The following SCN2A variants were observed in gnomAD, a reference collection of about 807,000 sequenced individuals.
SCN2A encodes sodium channel protein type 2 subunit alpha.
SCN2A carries 20 observed loss-of-function variants against 188.7 expected under a neutral mutation model. The observed-to-expected ratio is 0.11, with a 90% confidence interval of 0.07 to 0.15. The LOEUF is 0.15. Ranked by LOEUF, SCN2A falls within the 10% of genes least tolerant of loss-of-function variation. The probability of loss-of-function intolerance (pLI) is 1.00; values close to 1 mark genes in which losing one functional copy is unlikely to be tolerated. For missense variants in SCN2A, 1,278 were observed against 2,445.0 expected (o/e 0.52, Z 10.07); for synonymous variants, 804 against 833.1 (o/e 0.97, Z 0.60).
intron 14 of SCN2A, 51 bp downstream of exon 14, chr2:165,331,619 T>C: frequency 7.3e-7 from 1 of 1,366,628 alleles, no homozygotes. Flanking sequence ...TATAATTGCC[T>C]TAGTGAATTT....
chr2:165,250,384 C>A (rs1694032356), intron 1 of SCN2A, among the ~76,000 whole-genome samples: 1 of 151,784 alleles, frequency 6.6e-6, no homozygotes, highest in Non-Finnish European at 1.5e-5. Context: ...TTTGAGTAGA[C>A]TTTATGGTGA....
intron 3 of SCN2A, among the ~76,000 whole-genome samples, chr2:165,303,657 A>G (rs1273347793): frequency 1.3e-5 from 2 of 152,182 alleles, no homozygotes; most frequent in Non-Finnish European, 2.9e-5. Flanking sequence ...GTGACTGATG[A>G]AATAAATTAA....
At chr2:165,259,931 ATTTTTT>A (rs140137535) in intron 1 of SCN2A, among the ~76,000 whole-genome samples, 10 of 89,464 alleles carry the variant, frequency 1.1e-4, no homozygotes, top group East Asian at 3.0e-4. Context: ...CTAAAAATGG[ATTTTTT>A]TTTTTTTTTT....
chr2:165,388,564 A>G, intron 26 of SCN2A, 65 bp from the exon 27 acceptor site: 2 of 1,605,448 alleles, frequency 1.2e-6, no homozygotes, highest in Non-Finnish European at 8.5e-7. Context: ...TAATGTACTT[A>G]TGTAAACTTT....
intron 16 of SCN2A, among the ~76,000 whole-genome samples, chr2:165,350,567 G>C (rs1699849772): frequency 7.0e-6 from 1 of 143,798 alleles, no homozygotes; most frequent in Non-Finnish European, 1.5e-5. Context: ...CCGCCTCCCG[G>C]GTTCACGCCA....
At chr2:165,388,281 T>A (rs1701975343) in intron 26 of SCN2A, among the ~76,000 whole-genome samples, 1 of 152,188 alleles carries the variant, frequency 6.6e-6, no homozygotes, top group South Asian at 2.1e-4. Context: ...TTAGTTCTTA[T>A]GCAAATACTA....
chr2:165,251,476 A>T (rs1425286147), intron 1 of SCN2A, among the ~76,000 whole-genome samples: 2 of 152,064 alleles, frequency 1.3e-5, no homozygotes, highest in African/African-American at 2.4e-5. Flanking sequence ...GCGTATGTTG[A>T]TATGTTAGGT....
chr2:165,286,412 G>A lies in SCN2A; in HGVS notation c.-51-9361G>A, dbSNP rs113676374. On this transcript the variant is annotated intron_variant, in intron 1 of 26. Transcript: ENST00000375437. ...AGACTGAATTGAATTTTAACCTAATGTGAAATCTTGGTAGAGAATTTTGTA... is the reference window on the plus strand; with the variant it reads ...AGACTGAATTGAATTTTAACCTAATATGAAATCTTGGTAGAGAATTTTGTA... 1.1e-4 allele frequency among the ~76,000 whole-genome samples: 16 copies of A among 152,338 alleles called. 1 individual carries two copies. Among genetic ancestry groups the A allele is most frequent in the African/African-American group, 3.4e-4 (14 of 41,578 alleles).
At chr2:165,335,082 TAAA>T (rs1433615745) in intron 14 of SCN2A, among the ~76,000 whole-genome samples, 11 of 151,684 alleles carry the variant, frequency 7.3e-5, no homozygotes, top group Admixed American at 7.2e-4. Flanking sequence ...CTCAAAGCTA[TAAA>T]ATATTGTTGA....
rs570185042 is a variant in SCN2A at position 165,356,279 on chromosome 2, TTA to T, written c.3399+1609_3399+1610del. Among the ~76,000 whole-genome samples, 126 of 152,304 alleles carry T rather than the reference TTA, an allele frequency of 8.3e-4. 1 individual carries two copies. The highest frequency in any genetic ancestry group is 8.1e-3 in the Admixed American group (124 of 15,306). ...TTCTGTCCTGGGGCAAAGAATTACT[TTA>T]ATTGGTTGAACTTAAATTTTTACTA... On this transcript the variant is annotated intron_variant, in intron 17 of 26. Transcript: ENST00000375437.
chr2:165,326,832 A>G lies in SCN2A; in HGVS notation c.2017-20A>G. 1.2e-6 allele frequency: 2 copies of G among 1,613,704 alleles called. No individual in the cohort carries two copies. Among genetic ancestry groups the G allele is most frequent in the Non-Finnish European group, 1.7e-6 (2 of 1,179,716 alleles). ...TGCTTTCAAAAATAGTGGTTATTTC[A>G]TCTGAAATTCTACTTCTAGGGCACA... On this transcript the variant is annotated intron_variant, in intron 12 of 26. Coordinates refer to ENST00000375437, the MANE Select transcript of SCN2A (RefSeq NM_001040142.2).
chr2:165,385,185 C>G (rs1029729190), intron 25 of SCN2A, among the ~76,000 whole-genome samples: 1 of 152,062 alleles, frequency 6.6e-6, no homozygotes, highest in African/African-American at 2.4e-5. Context: ...GGGCAGAACA[C>G]TAAGATGTAG....
intron 1 of SCN2A, chr2:165,290,640 A>G: frequency 4.2e-6 from 1 of 237,062 alleles, no homozygotes; most frequent in Non-Finnish European, 6.9e-6. Context: ...AATCATTTGT[A>G]TAACAAGTTG....
At chr2:165,276,451 T>C (rs1326195492) in intron 1 of SCN2A, among the ~76,000 whole-genome samples, 1 of 152,164 alleles carries the variant, frequency 6.6e-6, no homozygotes, top group Non-Finnish European at 1.5e-5. Flanking sequence ...TGAAAATATA[T>C]TTATAATATG....
intron 1 of SCN2A, among the ~76,000 whole-genome samples, chr2:165,253,558 A>G (rs1347706793): frequency 6.6e-6 from 1 of 152,134 alleles, no homozygotes; most frequent in South Asian, 2.1e-4. Context: ...TTATTTTTAT[A>G]TAAATTTTCC....
chr2:165,368,211 C>T (rs971871795), intron 19 of SCN2A, among the ~76,000 whole-genome samples: 3 of 152,054 alleles, frequency 2.0e-5, no homozygotes, highest in Non-Finnish European at 4.4e-5. Context: ...GACTCCTCTC[C>T]GAAGCTATGC....
chr2:165,387,128 A>G, intron 26 of SCN2A, 112 bp downstream of exon 26: 1 of 1,113,528 alleles, frequency 9.0e-7, no homozygotes, highest in East Asian at 2.4e-5. Flanking sequence ...ACTCCCAAAT[A>G]AAAATCTAAT....
At chr2:165,364,473 A>G (rs574913521) in intron 17 of SCN2A, among the ~76,000 whole-genome samples, 17 of 152,258 alleles carry the variant, frequency 1.1e-4, no homozygotes, top group Non-Finnish European at 2.4e-4. Context: ...TGCCTGTACT[A>G]ACAGGGCAGG....
intron 11 of SCN2A, 54 bp from the exon 12 acceptor site, chr2:165,323,102 G>T: frequency 6.6e-7 from 1 of 1,506,338 alleles, no homozygotes; most frequent in Non-Finnish European, 9.2e-7. Flanking sequence ...TTTTCAGAAT[G>T]CCAGCTCTTA....
Sources: allele counts gnomAD v4.1 joint callset (sites outside exome capture counted in the v4.1 genomes callset), GRCh38; gene constraint gnomAD v4.1.1; transcripts MANE v1.5; gene names NCBI Gene and HGNC (gene_info 2026-07-23, HGNC 2026-07-21).